Variants in ERBB4 observed in about 807,000 individuals in gnomAD.
The protein encoded by ERBB4 is erb-b2 receptor tyrosine kinase 4.
Under a neutral mutation model 158.0 loss-of-function variants are expected in ERBB4, and 42 were observed. The ratio of observed to expected loss-of-function variants is 0.27; its 90% confidence interval spans 0.21 to 0.34. ERBB4 has a LOEUF of 0.34. ERBB4 is among the 10% of genes least tolerant of loss of function. The pLI is 1.00. For missense variants in ERBB4, 1,333 were observed against 1,624.1 expected (o/e 0.82, Z 3.08); for synonymous variants, 583 against 558.7 (o/e 1.04, Z -0.61).
At chr2:211,553,542 C>T (rs1400781222) in intron 20 of ERBB4, among the ~76,000 whole-genome samples, 2 of 152,134 alleles carry the variant, frequency 1.3e-5, no homozygotes, top group Non-Finnish European at 2.9e-5. Flanking sequence ...TAACTATAAA[C>T]ATATGTCTGT....
chr2:212,534,777 G>A (rs1007207234), intron 1 of ERBB4, among the ~76,000 whole-genome samples: 13 of 152,088 alleles, frequency 8.5e-5, no homozygotes, highest in Non-Finnish European at 1.5e-4. Flanking sequence ...AAAAACCAAA[G>A]GGATGAAAGC....
At chr2:211,794,726 T>A (rs1269635427) in intron 3 of ERBB4, among the ~76,000 whole-genome samples, 1 of 151,872 alleles carries the variant, frequency 6.6e-6, no homozygotes, top group Non-Finnish European at 1.5e-5. Flanking sequence ...CCGGAAAAAA[T>A]TAAAACTATA....
At chr2:212,418,054 GGCCC>G (rs1444554767) in intron 1 of ERBB4, among the ~76,000 whole-genome samples, 1 of 151,874 alleles carries the variant, frequency 6.6e-6, no homozygotes, top group Non-Finnish European at 1.5e-5. Context: ...TCAGGAAGAA[GGCCC>G]TTACAAATAA....
At chr2:212,148,528 GAA>G (rs1214857110) in intron 1 of ERBB4, among the ~76,000 whole-genome samples, 1 of 152,152 alleles carries the variant, frequency 6.6e-6, no homozygotes, top group Non-Finnish European at 1.5e-5. Context: ...AGCTGAGGAT[GAA>G]AGAGATGGGA....
chr2:211,950,580 C>G (rs2080847796), intron 2 of ERBB4, among the ~76,000 whole-genome samples: 1 of 152,046 alleles, frequency 6.6e-6, no homozygotes, highest in Non-Finnish European at 1.5e-5. Context: ...CCCAGTCACA[C>G]AATTCTTAGG....
chr2:211,536,967 G>A (rs777170638), intron 20 of ERBB4, among the ~76,000 whole-genome samples: 2 of 151,840 alleles, frequency 1.3e-5, no homozygotes, highest in African/African-American at 2.4e-5. Flanking sequence ...CCTCTGTAAA[G>A]ACAGTTTTAA....
intron 3 of ERBB4, among the ~76,000 whole-genome samples, chr2:211,908,490 TG>T (rs1318353882): frequency 1.3e-5 from 2 of 151,712 alleles, no homozygotes; most frequent in East Asian, 3.9e-4. Context: ...TAATCTACTG[TG>T]GAAAAAATCG....
At chr2:211,759,210 C>A (rs1471563304) in intron 4 of ERBB4, among the ~76,000 whole-genome samples, 2 of 152,118 alleles carry the variant, frequency 1.3e-5, no homozygotes, top group Non-Finnish European at 2.9e-5. Context: ...TGTCTAGTAT[C>A]CAATCATTTC....
At chr2:212,116,469 A>G (rs1228263587) in intron 2 of ERBB4, among the ~76,000 whole-genome samples, 4 of 152,142 alleles carry the variant, frequency 2.6e-5, no homozygotes, top group Non-Finnish European at 5.9e-5. Context: ...TTTTCTTGAG[A>G]CAGGGTTTTC....
intron 3 of ERBB4, among the ~76,000 whole-genome samples, chr2:211,926,665 T>G (rs2080028355): frequency 6.6e-6 from 1 of 152,130 alleles, no homozygotes; most frequent in Admixed American, 6.6e-5. Context: ...AATGAAGAAC[T>G]TAGAAAAACT....
chr2:212,046,294 G>A (rs942094018), intron 2 of ERBB4, among the ~76,000 whole-genome samples: 8 of 152,180 alleles, frequency 5.3e-5, no homozygotes, highest in African/African-American at 1.7e-4. Context: ...TCACTTTACA[G>A]ATGAGGGACC....
At chr2:212,062,184 T>G (rs1312823488) in intron 2 of ERBB4, among the ~76,000 whole-genome samples, 1 of 152,162 alleles carries the variant, frequency 6.6e-6, no homozygotes, top group Non-Finnish European at 1.5e-5. Context: ...TTTATGCAAA[T>G]AGCATATGAG....
At chr2:211,555,131 G>A (rs569690540) in intron 20 of ERBB4, among the ~76,000 whole-genome samples, 1 of 152,204 alleles carries the variant, frequency 6.6e-6, no homozygotes, top group African/African-American at 2.4e-5. Flanking sequence ...GGCAGCACAT[G>A]CAGAGGGAGC....
intron 1 of ERBB4, among the ~76,000 whole-genome samples, chr2:212,488,318 CCTCTCT>C (rs67659068): frequency 7.8e-5 from 9 of 115,804 alleles, no homozygotes; most frequent in East Asian, 2.0e-4. Context: ...TTTCCTCGCT[CCTCTCT>C]CTCTCTCTCT....
At chr2:212,251,566 T>C (rs1197492153) in intron 1 of ERBB4, among the ~76,000 whole-genome samples, 2 of 151,956 alleles carry the variant, frequency 1.3e-5, no homozygotes, top group African/African-American at 4.8e-5. Context: ...TGGAGGACTT[T>C]TGGGAAACTA....
chr2:212,241,269 A>G (rs74805706), intron 1 of ERBB4, among the ~76,000 whole-genome samples: 2,443 of 150,750 alleles, frequency 0.016, 38 homozygotes, highest in Non-Finnish European at 0.027. Context: ...AAATAAAAAA[A>G]TAAAAAAATA....
chr2:211,623,720 T>C (rs2069724817), intron 18 of ERBB4, among the ~76,000 whole-genome samples: 1 of 152,160 alleles, frequency 6.6e-6, no homozygotes, highest in Non-Finnish European at 1.5e-5. Flanking sequence ...TTCTTGCTTT[T>C]CTCTCAAGAC....
chr2:212,501,236 A>T (rs924019199), intron 1 of ERBB4, among the ~76,000 whole-genome samples: 9 of 152,318 alleles, frequency 5.9e-5, no homozygotes, highest in African/African-American at 1.9e-4. Flanking sequence ...CAATCCTAGC[A>T]TGAAAAGAAT....
chr2:211,398,065 T>C (rs1217883778), intron 25 of ERBB4, among the ~76,000 whole-genome samples: 1 of 151,846 alleles, frequency 6.6e-6, no homozygotes, highest in African/African-American at 2.4e-5. Context: ...AAACATCACA[T>C]TTCTTAAAGT....
Sources: gnomAD v4.1 joint callset for allele counts (sites outside exome capture counted in the v4.1 genomes callset) on GRCh38, gnomAD v4.1.1 for gene constraint, MANE v1.5 for transcripts, NCBI Gene and HGNC (gene_info 2026-07-23, HGNC 2026-07-21) for gene names.